Variants in SRGAP2C observed in about 807,000 individuals in gnomAD.
SRGAP2C encodes the protein SLIT-ROBO Rho GTPase activating protein 2C, also known as SLIT-ROBO Rho GTPase-activating protein 2C.
SRGAP2C carries 15 observed loss-of-function variants against 25.1 expected under a neutral mutation model. The observed-to-expected ratio is 0.60, with a 90% confidence interval of 0.40 to 0.92. The LOEUF (loss-of-function observed/expected upper bound fraction) is 0.92, where lower values mean the gene tolerates loss of function less well. SRGAP2C is among the 40% of genes least tolerant of loss of function. The probability of loss-of-function intolerance (pLI) is 0.00; values close to 1 mark genes in which losing one functional copy is unlikely to be tolerated. For synonymous variants in SRGAP2C, 44 were observed against 96.6 expected (o/e 0.46, Z 3.19); for missense variants, 144 against 264.4 (o/e 0.54, Z 3.16).
chr1:121,266,011 T>A (rs1228570066), intron 2 of SRGAP2C, among the ~76,000 whole-genome samples: 1 of 151,952 alleles, frequency 6.6e-6, no homozygotes, highest in African/African-American at 2.4e-5. Context: ...AGTCTCACTC[T>A]GTTGCCCAGG....
At position 121,310,745 on chromosome 1, in the gene SRGAP2C, C is replaced by T. The variant is rs1318255046; in HGVS notation, c.261-13733C>T. Among the ~76,000 whole-genome samples the T allele has an allele frequency of 4.6e-5, 4 of 86,860 alleles. 1 individual carries two copies. Among genetic ancestry groups the T allele is most frequent in the African/African-American group, 1.6e-4 (4 of 24,800 alleles). 57.0% of individuals were successfully genotyped at this position (86,860 alleles called of 152,430 possible). Reference sequence around the variant, plus strand: ...AGATCAGATAGTTGTAGGTATGCGGCGTTATTTCTGAGGGCTCTGTTCTGT... The same window carrying T: ...AGATCAGATAGTTGTAGGTATGCGGTGTTATTTCTGAGGGCTCTGTTCTGT... On this transcript the variant is annotated intron_variant, in intron 3 of 9. Transcript: ENST00000367123.
At chr1:121,295,654 G>A (rs1657580199) in intron 3 of SRGAP2C, among the ~76,000 whole-genome samples, 1 of 151,982 alleles carries the variant, frequency 6.6e-6, no homozygotes, top group Non-Finnish European at 1.5e-5. Context: ...AAAGAAAGAG[G>A]TCTGTAAAGT....
At chr1:121,198,693 T>G (rs1470124464) in intron 2 of SRGAP2C, among the ~76,000 whole-genome samples, 1 of 151,148 alleles carries the variant, frequency 6.6e-6, no homozygotes, top group Non-Finnish European at 1.5e-5. Flanking sequence ...CGTGTGTTTA[T>G]TATTTTGGTA....
At chr1:121,235,058 G>A (rs587745376) in intron 2 of SRGAP2C, among the ~76,000 whole-genome samples, 47 of 128,542 alleles carry the variant, frequency 3.7e-4, no homozygotes, top group African/African-American at 1.3e-3. Context: ...GTCTCGCTCC[G>A]TCCCCCAGGC....
At chr1:121,263,216 C>G (rs1446590461) in intron 2 of SRGAP2C, among the ~76,000 whole-genome samples, 3 of 150,478 alleles carry the variant, frequency 2.0e-5, no homozygotes, top group African/African-American at 7.3e-5. Flanking sequence ...CCTAGCTACT[C>G]CAGAGGCTGA....
chr1:121,229,017 G>A (rs1445098201), intron 2 of SRGAP2C, among the ~76,000 whole-genome samples: 1 of 150,588 alleles, frequency 6.6e-6, no homozygotes, highest in East Asian at 2.0e-4. Flanking sequence ...GGAGGGGGCT[G>A]AAATCATTTG....
At chr1:121,294,111 CT>C (rs1657546222) in intron 3 of SRGAP2C, among the ~76,000 whole-genome samples, 1 of 141,018 alleles carries the variant, frequency 7.1e-6, no homozygotes, top group Non-Finnish European at 1.5e-5. Flanking sequence ...GCTTTGCTTC[CT>C]ACTCTGCTCT....
chr1:121,310,456 T>C (rs1404789341), intron 3 of SRGAP2C, among the ~76,000 whole-genome samples: 1 of 130,328 alleles, frequency 7.7e-6, no homozygotes, highest in African/African-American at 3.0e-5. Flanking sequence ...ATTTTGGCTT[T>C]TGTTGCCATT....
chr1:121,292,149 G>A (rs1657505379), intron 3 of SRGAP2C, among the ~76,000 whole-genome samples: 1 of 151,876 alleles, frequency 6.6e-6, no homozygotes, highest in Non-Finnish European at 1.5e-5. Context: ...TAAACTCATG[G>A]CCTGCCTGCT....
intron 2 of SRGAP2C, among the ~76,000 whole-genome samples, chr1:121,228,201 G>A (rs1351785019): frequency 1.9e-5 from 2 of 107,456 alleles, no homozygotes; most frequent in African/African-American, 4.2e-5. Flanking sequence ...ACAAAGGACC[G>A]GGTCTGCTTC....
chr1:121,271,244 A>G (rs1206250717), intron 2 of SRGAP2C, among the ~76,000 whole-genome samples: 43 of 148,760 alleles, frequency 2.9e-4, no homozygotes, highest in Middle Eastern at 6.8e-3. Context: ...CTCCAAAGGT[A>G]CAGTGAATGA....
intron 2 of SRGAP2C, among the ~76,000 whole-genome samples, chr1:121,218,629 C>T (rs1655453876): frequency 6.7e-6 from 1 of 149,062 alleles, no homozygotes; most frequent in Non-Finnish European, 1.5e-5. Flanking sequence ...TGCCCGTAAT[C>T]CCAGCTACTC....
intron 2 of SRGAP2C, among the ~76,000 whole-genome samples, chr1:121,239,214 A>C (rs1570729554): frequency 5.0e-4 from 3 of 5,942 alleles, no homozygotes; most frequent in East Asian, 0.031. Context: ...ATATATATAT[A>C]TATATATATA....
At chr1:121,284,206 C>T (rs1422023013) in intron 2 of SRGAP2C, among the ~76,000 whole-genome samples, 1 of 151,340 alleles carries the variant, frequency 6.6e-6, no homozygotes, top group Non-Finnish European at 1.5e-5. Context: ...TACCATTTGA[C>T]CTTGGGAGAT....
intron 2 of SRGAP2C, among the ~76,000 whole-genome samples, chr1:121,270,012 C>T (rs1570751919): frequency 6.7e-6 from 1 of 149,764 alleles, no homozygotes; most frequent in African/African-American, 2.5e-5. Flanking sequence ...CTTGCATGCT[C>T]CCATTTTTTG....
At chr1:121,297,083 A>G (rs1657614560) in intron 3 of SRGAP2C, among the ~76,000 whole-genome samples, 2 of 152,018 alleles carry the variant, frequency 1.3e-5, no homozygotes, top group African/African-American at 4.8e-5. Flanking sequence ...CAGATGTAGC[A>G]CCTGGTGTTG....
At chr1:121,362,686 CATGG>C (rs1374623156) in intron 4 of SRGAP2C, 5 of 151,646 alleles carry the variant, frequency 3.3e-5, no homozygotes, top group Admixed American at 1.3e-4. Context: ...AAGTGATACT[CATGG>C]TCACTTCCTG....
intron 2 of SRGAP2C, among the ~76,000 whole-genome samples, chr1:121,276,730 C>CT (rs1234112399): frequency 4.4e-5 from 2 of 45,376 alleles, no homozygotes; most frequent in Admixed American, 4.9e-4. Context: ...CAAATTTATT[C>CT]TTTTTTTTTA....
intron 4 of SRGAP2C, chr1:121,361,020 C>A (rs1288147607): frequency 1.0e-5 from 1 of 99,446 alleles, no homozygotes; most frequent in East Asian, 3.7e-4. Flanking sequence ...TACCTGCTGA[C>A]AGGCTCAGCC....
Sources: allele counts gnomAD v4.1 joint callset (sites outside exome capture counted in the v4.1 genomes callset), GRCh38; gene constraint gnomAD v4.1.1; transcripts MANE v1.5; gene names NCBI Gene and HGNC (gene_info 2026-07-23, HGNC 2026-07-21).